Variants in WDPCP observed in about 807,000 individuals in gnomAD.
WDPCP encodes WD repeat containing planar cell polarity effector.
WDPCP carries 71 observed loss-of-function variants against 93.1 expected under a neutral mutation model. That is an observed-to-expected ratio of 0.76 (90% CI 0.63 to 0.93). The LOEUF (loss-of-function observed/expected upper bound fraction) is 0.93, where lower values mean the gene tolerates loss of function less well. Ranked by LOEUF, WDPCP falls within the 40% of genes least tolerant of loss-of-function variation. The pLI is 0.00. For synonymous variants in WDPCP, 315 were observed against 315.0 expected (o/e 1.00, Z 0.00); for missense variants, 844 against 887.4 (o/e 0.95, Z 0.62).
intron 7 of WDPCP, chr2:63,437,936 T>G: frequency 2.6e-6 from 4 of 1,548,212 alleles, no homozygotes; most frequent in Non-Finnish European, 3.5e-6. Context: ...ATAGAAACCA[T>G]CCGAGGATAA....
At position 63,572,789 on chromosome 2, in the gene WDPCP, T is replaced by G. The variant is rs558589496; in HGVS notation, c.75+15408A>C. ...GGCAAAATCATGCAATATGAGAAATTTGTAAAAATAACTTGTCATGCTTGT... is the reference window on the plus strand; with the variant it reads ...GGCAAAATCATGCAATATGAGAAATGTGTAAAAATAACTTGTCATGCTTGT... On this transcript the variant is annotated intron_variant, in intron 1 of 17. Coordinates refer to ENST00000272321, the MANE Select transcript of WDPCP (RefSeq NM_015910.7). Among the ~76,000 whole-genome samples the G allele has an allele frequency of 2.3e-4, 34 of 150,524 alleles. No homozygotes were observed. The South Asian group carries it at 5.3e-3, about 23-fold the overall frequency.
intron 12 of WDPCP, among the ~76,000 whole-genome samples, chr2:63,320,209 CA>C (rs1487512445): frequency 2.6e-5 from 4 of 151,978 alleles, no homozygotes; most frequent in African/African-American, 9.7e-5. Flanking sequence ...AAGAAACACA[CA>C]AAAAATTTTA....
chr2:63,322,615 C>G (rs775043605), intron 12 of WDPCP, among the ~76,000 whole-genome samples: 24 of 152,174 alleles, frequency 1.6e-4, no homozygotes, highest in Non-Finnish European at 2.9e-4. Flanking sequence ...ATGAACCCAC[C>G]AGAAGAAGAA....
chr2:63,714,052 A>AT, intron 2 of WDPCP, among the ~76,000 whole-genome samples: 1 of 139,980 alleles, frequency 7.1e-6, no homozygotes, highest in Non-Finnish European at 1.6e-5. Context: ...TATCTTTTTT[A>AT]TTCTTTTTTT....
chr2:63,179,964 G>T (rs1462817379), intron 14 of WDPCP, among the ~76,000 whole-genome samples: 2 of 151,634 alleles, frequency 1.3e-5, no homozygotes, highest in African/African-American at 2.4e-5. Context: ...AAAATAATGT[G>T]TTTTTTTTGC....
chr2:63,750,768 A>C (rs1250195790), intron 2 of WDPCP, among the ~76,000 whole-genome samples: 3 of 152,008 alleles, frequency 2.0e-5, no homozygotes, highest in African/African-American at 7.2e-5. Flanking sequence ...TATTCTGTTA[A>C]TGTGGTTATA....
At chr2:63,289,763 G>C (rs193200287) in intron 13 of WDPCP, among the ~76,000 whole-genome samples, 1 of 151,564 alleles carries the variant, frequency 6.6e-6, no homozygotes, top group South Asian at 2.1e-4. Context: ...TTGGTTTGTC[G>C]GCTTTTGCTT....
At chr2:63,646,588 C>T (rs1710053809) in intron 3 of WDPCP, among the ~76,000 whole-genome samples, 1 of 151,820 alleles carries the variant, frequency 6.6e-6, no homozygotes, top group African/African-American at 2.4e-5. Flanking sequence ...TAGGACAGGT[C>T]TGGTGTTAAT....
chr2:63,314,042 C>A (rs1686432097), intron 12 of WDPCP, among the ~76,000 whole-genome samples: 1 of 150,578 alleles, frequency 6.6e-6, no homozygotes, highest in South Asian at 2.1e-4. Flanking sequence ...CCATGCCCAG[C>A]TAATTTTTGT....
At chr2:63,153,172 T>C in intron 16 of WDPCP, 1 of 572,652 alleles carries the variant, frequency 1.7e-6, no homozygotes, top group Non-Finnish European at 3.1e-6. Flanking sequence ...ATGTACAGTA[T>C]ATACTATAGT....
At chr2:63,189,869 T>A (rs1674910125) in intron 14 of WDPCP, among the ~76,000 whole-genome samples, 1 of 152,198 alleles carries the variant, frequency 6.6e-6, no homozygotes, top group South Asian at 2.1e-4. Flanking sequence ...AATTGTACTC[T>A]TTGCTATTCA....
intron 12 of WDPCP, among the ~76,000 whole-genome samples, chr2:63,349,816 A>G (rs1199420193): frequency 6.6e-6 from 1 of 152,232 alleles, no homozygotes; most frequent in Admixed American, 6.5e-5. Flanking sequence ...GGTTTCTTAC[A>G]GCACTGCTCA....
At chr2:63,804,680 C>G (rs978393305) in intron 2 of WDPCP, among the ~76,000 whole-genome samples, 2 of 151,786 alleles carry the variant, frequency 1.3e-5, no homozygotes, top group African/African-American at 4.8e-5. Context: ...ATCTCTCTTC[C>G]TACAACTCCC....
At chr2:63,606,857 A>G in intron 3 of WDPCP, 1 of 1,598,152 alleles carries the variant, frequency 6.3e-7, no homozygotes, top group Non-Finnish European at 8.5e-7. Context: ...ATTATTTTCA[A>G]ACAGAATAAG....
chr2:63,340,529 C>T (rs898311316), intron 12 of WDPCP, among the ~76,000 whole-genome samples: 10 of 152,192 alleles, frequency 6.6e-5, no homozygotes, highest in Admixed American at 4.6e-4. Flanking sequence ...AACACAAGGG[C>T]AGGTCTCCTA....
chr2:63,486,704 T>C, intron 3 of WDPCP, 118 bp from the exon 4 acceptor site: 1 of 844,268 alleles, frequency 1.2e-6, no homozygotes. Context: ...ACATGCATTA[T>C]TGAGATTAAT....
intron 1 of WDPCP, among the ~76,000 whole-genome samples, chr2:63,511,620 C>G (rs1002098544): frequency 6.6e-6 from 1 of 152,150 alleles, no homozygotes; most frequent in Non-Finnish European, 1.5e-5. Flanking sequence ...TGGTCTTTGA[C>G]AAACCTGACA....
At chr2:63,792,723 A>T (rs1296971453) in intron 2 of WDPCP, among the ~76,000 whole-genome samples, 1 of 152,178 alleles carries the variant, frequency 6.6e-6, no homozygotes, top group Non-Finnish European at 1.5e-5. Flanking sequence ...GAGTCAGAGC[A>T]GGAAGTGGAA....
intron 17 of WDPCP, among the ~76,000 whole-genome samples, chr2:63,128,095 C>A (rs970501903): frequency 6.6e-6 from 1 of 152,068 alleles, no homozygotes; most frequent in Non-Finnish European, 1.5e-5. Context: ...GCTGAGATCA[C>A]ACCTCTGCAC....
Sources: gnomAD v4.1 joint callset for allele counts (sites outside exome capture counted in the v4.1 genomes callset) on GRCh38, gnomAD v4.1.1 for gene constraint, MANE v1.5 for transcripts, NCBI Gene and HGNC (gene_info 2026-07-23, HGNC 2026-07-21) for gene names.